Variants in XXYLT1 observed in about 807,000 individuals in gnomAD.
XXYLT1 encodes UDP-xylose:alpha-xyloside alpha-1,3-xylosyltransferase.
A neutral mutation model predicts 28.9 loss-of-function variants in XXYLT1; 20 were observed. The ratio of observed to expected loss-of-function variants is 0.69; its 90% CI spans 0.49 to 1.00. The LOEUF (loss-of-function observed/expected upper bound fraction) is 1.00, where lower values mean the gene tolerates loss of function less well. Among genes scored for constraint, XXYLT1 ranks in the 50% least tolerant of loss-of-function variants. The pLI is 0.00. For missense variants in XXYLT1, 542 were observed against 560.1 expected, an observed-to-expected ratio of 0.97 and a Z score of 0.33; for synonymous variants, 257 against 253.8, an observed-to-expected ratio of 1.01 and a Z score of -0.12.
Position 195,173,426 on chromosome 3 carries a change from C to T in XXYLT1, c.653-16845G>A, listed in dbSNP as rs972648280. ...GTGTTGTTACCTAGGAGGTGCTCGA[C>T]ACTAAGTAACATTCTGGTTCATATA... is the stretch of plus-strand genomic sequence containing the variant. On this transcript the variant is annotated intron_variant, in intron 2 of 3. Transcript: ENST00000310380. This position sits in a 1 kb window ranked among gnomAD's most constrained non-coding sequence, Gnocchi z 4.3. Among the ~76,000 whole-genome samples the T allele has an allele frequency of 2.6e-5, 4 of 152,186 alleles. No individual in the cohort carries two copies. Among genetic ancestry groups the T allele is most frequent in the Non-Finnish European group, 5.9e-5 (4 of 68,036 alleles).
rs375461661 is a variant in XXYLT1 at position 195,176,538 on chromosome 3, G to A, written c.653-19957C>T. ...AATCTTGCTTGTGCGCCATCAGTACGTTCCACCCCTCTGACACACTGGTAT... is the reference window on the plus strand; with the variant it reads ...AATCTTGCTTGTGCGCCATCAGTACATTCCACCCCTCTGACACACTGGTAT... On this transcript the variant is annotated intron_variant, in intron 2 of 3. Coordinates refer to ENST00000310380, the MANE Select transcript of XXYLT1 (RefSeq NM_152531.5). The surrounding 1 kb of genome is among the most constrained non-coding windows in gnomAD (Gnocchi z 4.9). Among the ~76,000 whole-genome samples the A allele has an allele frequency of 2.6e-5, 4 of 152,158 alleles. No homozygotes were observed. The highest frequency in any genetic ancestry group is 2.1e-4 in the South Asian group (1 of 4,828).
At chr3:195,081,515 C>T (rs1315603850) in intron 3 of XXYLT1, among the ~76,000 whole-genome samples, 2 of 98,050 alleles carry the variant, frequency 2.0e-5, no homozygotes, top group Admixed American at 1.1e-4. Context: ...CAGATTTCCA[C>T]TGCCTTGAAA....
intron 2 of XXYLT1, among the ~76,000 whole-genome samples, chr3:195,219,527 A>C (rs1362180560): frequency 1.3e-5 from 2 of 152,216 alleles, no homozygotes; most frequent in Non-Finnish European, 2.9e-5. Flanking sequence ...GAGGGAGGGA[A>C]GGAGCTGCTG....
At chr3:195,079,439 GCTT>G (rs1715305056) in intron 3 of XXYLT1, among the ~76,000 whole-genome samples, 1 of 152,182 alleles carries the variant, frequency 6.6e-6, no homozygotes, top group African/African-American at 2.4e-5. Context: ...CGGCAGGGTG[GCTT>G]CTTTGAGGAA....
At chr3:195,265,260 C>T (rs1577211621) in intron 1 of XXYLT1, among the ~76,000 whole-genome samples, 2 of 151,742 alleles carry the variant, frequency 1.3e-5, no homozygotes, top group East Asian at 1.9e-4. Context: ...ATCCCAGCTA[C>T]TTGGGAGGCT....
intron 2 of XXYLT1, among the ~76,000 whole-genome samples, chr3:195,160,906 T>C (rs1720838904): frequency 2.6e-5 from 4 of 152,310 alleles, no homozygotes; most frequent in African/African-American, 7.2e-5. Context: ...CTGGGCTGGA[T>C]GTTTCTCTGT....
intron 3 of XXYLT1, among the ~76,000 whole-genome samples, chr3:195,101,833 G>A (rs1289490667): frequency 1.3e-5 from 2 of 148,854 alleles, no homozygotes; most frequent in African/African-American, 2.5e-5. Flanking sequence ...GGAGGGGAGG[G>A]GAGGAGAGGG....
chr3:195,269,676 C>T (rs1051784971), intron 1 of XXYLT1, among the ~76,000 whole-genome samples: 2 of 152,342 alleles, frequency 1.3e-5, no homozygotes, highest in South Asian at 4.1e-4. Context: ...CCTGTCTCAG[C>T]ATGCTTCCCC....
intron 2 of XXYLT1, among the ~76,000 whole-genome samples, chr3:195,187,118 G>A (rs1381634942): frequency 6.0e-5 from 9 of 151,046 alleles, no homozygotes; most frequent in Non-Finnish European, 1.2e-4. Flanking sequence ...GGCGCCTGTA[G>A]TCCCAGCTAC....
At chr3:195,266,196 C>T (rs779162605) in intron 1 of XXYLT1, among the ~76,000 whole-genome samples, 4 of 152,134 alleles carry the variant, frequency 2.6e-5, no homozygotes, top group Admixed American at 6.6e-5. Context: ...GGAAGCGATA[C>T]AATAAAGGCA....
chr3:195,139,451 C>T (rs982922047), intron 3 of XXYLT1, among the ~76,000 whole-genome samples: 3 of 152,202 alleles, frequency 2.0e-5, no homozygotes, highest in Admixed American at 1.3e-4. Context: ...TCTCTGTCCA[C>T]AGTCACATTT....
At chr3:195,147,569 T>TCAAA (rs1466372449) in intron 3 of XXYLT1, among the ~76,000 whole-genome samples, 3 of 152,098 alleles carry the variant, frequency 2.0e-5, no homozygotes, top group African/African-American at 7.2e-5. Context: ...AAACTATGTC[T>TCAAA]CAAACAAACA....
Position 195,176,801 on chromosome 3 carries a change from G to A in XXYLT1, c.653-20220C>T, listed in dbSNP as rs6787515. Among the ~76,000 whole-genome samples, 3,785 of 152,326 alleles carry A rather than the reference G, an allele frequency of 0.025. 183 individuals carry two copies. Among genetic ancestry groups the A allele is most frequent in the African/African-American group, 0.085 (3,547 of 41,542 alleles). On this transcript the variant is annotated intron_variant, in intron 2 of 3. Transcript: ENST00000310380. This position sits in a 1 kb window ranked among gnomAD's most constrained non-coding sequence, Gnocchi z 4.9. ...TCAGTAAGAAGACGCAAAAGTCACA[G>A]TTCCCATGGTAACCCTCCTTACCTC...
rs1577063627 is a variant in XXYLT1 at position 195,133,229 on chromosome 3, G to A, written c.785+23220C>T. On this transcript the variant is annotated intron_variant, in intron 3 of 3. Coordinates refer to ENST00000310380, the MANE Select transcript of XXYLT1 (RefSeq NM_152531.5). The surrounding 1 kb of genome is among the most constrained non-coding windows in gnomAD (Gnocchi z 4.4). ...TGCCCCGCCTGCTGAGCAGACAGAT[G>A]GCTGCAAGTCCCAACGCTCTGATAA... 1.3e-5 allele frequency among the ~76,000 whole-genome samples: 2 copies of A among 152,254 alleles called. No homozygotes were observed. The highest frequency in any genetic ancestry group is 4.8e-5 in the African/African-American group (2 of 41,552).
At chr3:195,234,904 A>C (rs1034929724) in intron 1 of XXYLT1, among the ~76,000 whole-genome samples, 1 of 151,766 alleles carries the variant, frequency 6.6e-6, no homozygotes, top group Non-Finnish European at 1.5e-5. Context: ...ATCTTTCTCT[A>C]GGTTTGGGAA....
chr3:195,130,543 C>A (rs565336635), intron 3 of XXYLT1, among the ~76,000 whole-genome samples: 1 of 152,164 alleles, frequency 6.6e-6, no homozygotes, highest in Non-Finnish European at 1.5e-5. Flanking sequence ...TTCCTACTTA[C>A]GGGTGAAGTG....
intron 3 of XXYLT1, among the ~76,000 whole-genome samples, chr3:195,103,348 G>A (rs532040147): frequency 2.1e-5 from 3 of 141,454 alleles, no homozygotes; most frequent in African/African-American, 2.5e-5. Flanking sequence ...AGCGACCTGC[G>A]TCCATCACCC....
chr3:195,110,477 GTGT>G (rs1717572531), intron 3 of XXYLT1, among the ~76,000 whole-genome samples: 1 of 16,988 alleles, frequency 5.9e-5, no homozygotes, highest in African/African-American at 1.8e-4. Flanking sequence ...GGTGAGGTGT[GTGT>G]GTATGTGGTG....
intron 3 of XXYLT1, chr3:195,147,954 T>A (rs1353189397): frequency 6.6e-6 from 1 of 150,800 alleles, no homozygotes; most frequent in East Asian, 1.9e-4. Context: ...CTGGAAGGAG[T>A]CGTGTTTTCA....
Sources: gnomAD v4.1 joint callset for allele counts (sites outside exome capture counted in the v4.1 genomes callset) on GRCh38, gnomAD v4.1.1 for gene constraint, Gnocchi (gnomAD v3.1) non-coding constraint, MANE v1.5 for transcripts, NCBI Gene and HGNC (gene_info 2026-07-23, HGNC 2026-07-21) for gene names.